The following UNC13C variants were observed in gnomAD, a reference collection of about 807,000 sequenced individuals.
The protein encoded by UNC13C is protein unc-13 homolog C.
Under a neutral mutation model 245.4 loss-of-function variants are expected in UNC13C, and 174 were observed. The ratio of observed to expected loss-of-function variants is 0.71; its 90% CI spans 0.63 to 0.80. The LOEUF is 0.80. Ranked by LOEUF, UNC13C falls within the 30% of genes least tolerant of loss-of-function variation. The pLI, the probability that UNC13C is intolerant of heterozygous loss-of-function variation, is 0.00. For synonymous variants in UNC13C, 992 were observed against 895.1 expected, an observed-to-expected ratio of 1.11 and a Z score of -1.93; for missense variants, 2,829 against 2,602.9, an observed-to-expected ratio of 1.09 and a Z score of -1.89.
At chr15:54,348,093 C>G (rs1039233536) in intron 17 of UNC13C, among the ~76,000 whole-genome samples, 1 of 152,144 alleles carries the variant, frequency 6.6e-6, no homozygotes. Flanking sequence ...GCTATCTATG[C>G]TGATTCATGT....
At chr15:54,170,016 G>C (rs1434993682) in intron 4 of UNC13C, among the ~76,000 whole-genome samples, 5 of 130,604 alleles carry the variant, frequency 3.8e-5, no homozygotes, top group Non-Finnish European at 7.9e-5. Context: ...TTTAAACATC[G>C]CTATATTCTT....
At chr15:54,326,470 A>G (rs1567189111) in intron 14 of UNC13C, among the ~76,000 whole-genome samples, 1 of 151,972 alleles carries the variant, frequency 6.6e-6, no homozygotes, top group Non-Finnish European at 1.5e-5. Context: ...CTAGGAGATA[A>G]AGCTGATGGT....
chr15:53,856,379 T>G, the UNC13C span, among the ~76,000 whole-genome samples: 40 of 151,882 alleles, frequency 2.6e-4, no homozygotes, highest in African/African-American at 3.6e-4. Flanking sequence ...CTAGTTTTTT[T>G]TTGTTGTTGT....
the UNC13C span, among the ~76,000 whole-genome samples, chr15:53,903,248 A>G: frequency 4.6e-5 from 7 of 152,240 alleles, no homozygotes; most frequent in African/African-American, 1.7e-4. Flanking sequence ...GCTTGATCCC[A>G]GAAGATGTAA....
At chr15:54,177,881 T>C (rs1273091572) in intron 4 of UNC13C, among the ~76,000 whole-genome samples, 2 of 152,172 alleles carry the variant, frequency 1.3e-5, no homozygotes, top group Non-Finnish European at 2.9e-5. Flanking sequence ...ATGTTGTATG[T>C]AGGCAGTATT....
At chr15:54,452,289 C>T (rs1256400610) in intron 19 of UNC13C, among the ~76,000 whole-genome samples, 1 of 152,106 alleles carries the variant, frequency 6.6e-6, no homozygotes, top group East Asian at 1.9e-4. Flanking sequence ...AGCAGTGGGT[C>T]AGGTTGGTGG....
At chr15:54,363,696 T>C (rs992435869) in intron 17 of UNC13C, among the ~76,000 whole-genome samples, 1 of 152,184 alleles carries the variant, frequency 6.6e-6, no homozygotes, top group South Asian at 2.1e-4. Context: ...TGGGAGCAAG[T>C]AGAACAGCTA....
intron 13 of UNC13C, among the ~76,000 whole-genome samples, chr15:54,304,448 C>A (rs1408232215): frequency 6.6e-6 from 1 of 151,926 alleles, no homozygotes; most frequent in Non-Finnish European, 1.5e-5. Flanking sequence ...GAATACTTAT[C>A]ATGACAAGCC....
intron 7 of UNC13C, among the ~76,000 whole-genome samples, chr15:54,242,910 A>G (rs2035892134): frequency 6.6e-6 from 1 of 152,176 alleles, no homozygotes; most frequent in Admixed American, 6.5e-5. Flanking sequence ...CATGGGATCT[A>G]TTTATAGGAA....
chr15:54,240,736 A>C (rs2035829347), intron 7 of UNC13C, among the ~76,000 whole-genome samples: 1 of 152,152 alleles, frequency 6.6e-6, no homozygotes, highest in Non-Finnish European at 1.5e-5. Context: ...ATTTCTGAAA[A>C]TTTCCATCTA....
chr15:54,507,342 G>A (rs1402912145), intron 23 of UNC13C, 148 bp downstream of exon 23: 2 of 600,140 alleles, frequency 3.3e-6, no homozygotes, highest in East Asian at 5.7e-5. Context: ...ACTTCTCCAG[G>A]GTTCTTGAAC....
intron 16 of UNC13C, among the ~76,000 whole-genome samples, chr15:54,334,558 A>C (rs4605108): frequency 0.25 from 38,281 of 151,974 alleles, 5,254 homozygotes; most frequent in Admixed American, 0.34. Context: ...ATTTGCCCAT[A>C]ATTTTTTTCA....
At chr15:54,051,654 T>A (rs1220397448) in intron 2 of UNC13C, among the ~76,000 whole-genome samples, 1 of 151,718 alleles carries the variant, frequency 6.6e-6, no homozygotes, top group Non-Finnish European at 1.5e-5. Flanking sequence ...ATTTATTTAT[T>A]TATTTATTTA....
At chr15:54,330,320 C>G (rs1198345070) in intron 14 of UNC13C, among the ~76,000 whole-genome samples, 1 of 152,062 alleles carries the variant, frequency 6.6e-6, no homozygotes, top group Non-Finnish European at 1.5e-5. Context: ...CTGTCTACAT[C>G]TCATTGGCCA....
the UNC13C span, among the ~76,000 whole-genome samples, chr15:53,843,611 T>C: frequency 6.6e-6 from 1 of 151,890 alleles, no homozygotes; most frequent in Non-Finnish European, 1.5e-5. Flanking sequence ...AGGCTAGAGG[T>C]CTGAAGAGGA....
intron 4 of UNC13C, among the ~76,000 whole-genome samples, chr15:54,163,229 G>C (rs533273149): frequency 6.6e-6 from 1 of 152,228 alleles, no homozygotes; most frequent in Non-Finnish European, 1.5e-5. Context: ...ATGATGAATG[G>C]GAAGCAGAGA....
intron 19 of UNC13C, among the ~76,000 whole-genome samples, chr15:54,424,175 A>G (rs1212602914): frequency 6.6e-6 from 1 of 151,804 alleles, no homozygotes; most frequent in Non-Finnish European, 1.5e-5. Context: ...AAGCCCAACA[A>G]TGCATGTAGA....
intron 19 of UNC13C, among the ~76,000 whole-genome samples, chr15:54,483,942 C>T (rs933258666): frequency 7.3e-6 from 1 of 136,706 alleles, no homozygotes; most frequent in African/African-American, 2.8e-5. Context: ...CAAACACACA[C>T]AGTACATACA....
the UNC13C span, among the ~76,000 whole-genome samples, chr15:53,862,717 G>C: frequency 0.012 from 1,871 of 152,172 alleles, 22 homozygotes; most frequent in Middle Eastern, 0.051. Flanking sequence ...ACTCACGTTG[G>C]GGAGACAGAG....
Sources: gnomAD v4.1 joint callset for allele counts (sites outside exome capture counted in the v4.1 genomes callset) on GRCh38, gnomAD v4.1.1 for gene constraint, MANE v1.5 for transcripts, NCBI Gene and HGNC (gene_info 2026-07-23, HGNC 2026-07-21) for gene names.